Variants in GLIS3 observed in about 807,000 individuals in gnomAD.
The protein encoded by GLIS3 is zinc finger protein GLIS3.
GLIS3 carries 53 observed loss-of-function variants against 78.6 expected under a neutral mutation model. The observed-to-expected ratio is 0.67, with a 90% CI of 0.54 to 0.85. The LOEUF (loss-of-function observed/expected upper bound fraction) is 0.85, where lower values mean the gene tolerates loss of function less well. Ranked by LOEUF, GLIS3 falls within the 40% of genes least tolerant of loss-of-function variation. GLIS3 has a pLI of 0.00. For synonymous variants in GLIS3, 684 were observed against 509.9 expected, an observed-to-expected ratio of 1.34 and a Z score of -4.60; for missense variants, 1,703 against 1,231.1, an observed-to-expected ratio of 1.38 and a Z score of -5.74.
chr9:4,214,463 T>A (rs1820647909), intron 2 of GLIS3, among the ~76,000 whole-genome samples: 1 of 152,190 alleles, frequency 6.6e-6, no homozygotes, highest in Non-Finnish European at 1.5e-5. Context: ...TCACCCCACA[T>A]TGACTGAGAA....
the GLIS3 span, among the ~76,000 whole-genome samples, chr9:4,474,496 G>A: frequency 2.0e-5 from 3 of 152,008 alleles, no homozygotes; most frequent in African/African-American, 7.2e-5. Flanking sequence ...TGGATTAATT[G>A]GATATCCATA....
chr9:3,981,715 A>C (rs1819302546), intron 4 of GLIS3, among the ~76,000 whole-genome samples: 1 of 152,196 alleles, frequency 6.6e-6, no homozygotes, highest in African/African-American at 2.4e-5. Flanking sequence ...ACCTTTAAAA[A>C]CCAGTGTAGC....
chr9:4,284,330 T>C (rs1827800783), intron 2 of GLIS3, among the ~76,000 whole-genome samples: 1 of 152,116 alleles, frequency 6.6e-6, no homozygotes, highest in African/African-American at 2.4e-5. Flanking sequence ...TTAGTGTCAG[T>C]CAGGATTGCA....
intron 1 of GLIS3, chr9:4,298,252 C>G: frequency 3.1e-6 from 1 of 320,362 alleles, no homozygotes; most frequent in Non-Finnish European, 6.2e-6. Flanking sequence ...CGCCGGCCCC[C>G]CGGTCCCCGC....
chr9:4,302,793 G>A (rs952414161), upstream of GLIS3, among the ~76,000 whole-genome samples: 4 of 152,206 alleles, frequency 2.6e-5, no homozygotes, highest in African/African-American at 9.6e-5. Context: ...GCATCTTGTG[G>A]TCAGTGTTAG....
chr9:4,264,437 T>C (rs1034453666), intron 2 of GLIS3, among the ~76,000 whole-genome samples: 4 of 152,226 alleles, frequency 2.6e-5, no homozygotes, highest in African/African-American at 9.7e-5. Flanking sequence ...CGATGTCCTT[T>C]TTTAAAATGT....
the GLIS3 span, among the ~76,000 whole-genome samples, chr9:4,438,640 C>A: frequency 1.3e-5 from 2 of 152,190 alleles, no homozygotes; most frequent in Non-Finnish European, 2.9e-5. Context: ...CCCCACTTGT[C>A]AAGGGCAGGG....
chr9:4,183,755 A>T (rs756613219), intron 2 of GLIS3, among the ~76,000 whole-genome samples: 1 of 152,228 alleles, frequency 6.6e-6, no homozygotes, highest in South Asian at 2.1e-4. Context: ...ACAACTGATT[A>T]AAGAGTTCTT....
At position 4,141,223 on chromosome 9, in the gene GLIS3, G is replaced by C. The variant is rs550922892; in HGVS notation, c.389-15282C>G. Among the ~76,000 whole-genome samples, 8 of 152,352 alleles carry C rather than the reference G, an allele frequency of 5.3e-5. No individual in the cohort carries two copies. In the South Asian group the frequency reaches 1.4e-3, roughly 28 times the overall value. On this transcript the variant is annotated intron_variant, in intron 2 of 10. Transcript: ENST00000381971. ...CCTCTAGGAGGGAGACAGAAGGAGA[G>C]AGAGAGGTGGGATTGCCCAAAGTCT...
chr9:4,149,550 T>C lies in GLIS3; in HGVS notation c.389-23609A>G, dbSNP rs145904034. Among the ~76,000 whole-genome samples, 11 of 152,334 alleles carry C rather than the reference T, an allele frequency of 7.2e-5. No individual in the cohort carries two copies. The East Asian group carries it at 7.7e-4, about 11-fold the overall frequency. ...CCTCTTGGTTTCCATATATAAGCAA[T>C]AGTCAGGCATGACACCTTAATTTAT... On this transcript the variant is annotated intron_variant, in intron 2 of 10. Coordinates refer to ENST00000381971, the MANE Select transcript of GLIS3 (RefSeq NM_001042413.2).
At chr9:4,427,214 A>T in the GLIS3 span, among the ~76,000 whole-genome samples, 1 of 152,210 alleles carries the variant, frequency 6.6e-6, no homozygotes, top group African/African-American at 2.4e-5. Context: ...GGGGTTTGGA[A>T]AAACCATCCT....
At chr9:4,309,021 G>A (rs1353444779) in intron 3 of GLIS3, 2 of 152,210 alleles carry the variant, frequency 1.3e-5, no homozygotes, top group African/African-American at 4.8e-5. Context: ...CATTGTTTTG[G>A]AGACTGAGTT....
intron 4 of GLIS3, among the ~76,000 whole-genome samples, chr9:3,939,628 A>G (rs1218436252): frequency 6.6e-6 from 1 of 152,234 alleles, no homozygotes; most frequent in Non-Finnish European, 1.5e-5. Context: ...TATCCGTAAA[A>G]TAATCAAAAT....
At chr9:4,036,593 G>C (rs1365273616) in intron 4 of GLIS3, among the ~76,000 whole-genome samples, 1 of 152,132 alleles carries the variant, frequency 6.6e-6, no homozygotes, top group Non-Finnish European at 1.5e-5. Context: ...AAGAGTGCTA[G>C]AGGAAAAACA....
chr9:4,150,631 T>C (rs896378639), intron 2 of GLIS3, among the ~76,000 whole-genome samples: 1 of 152,222 alleles, frequency 6.6e-6, no homozygotes, highest in Non-Finnish European at 1.5e-5. Context: ...CCAGAATAGA[T>C]GATGAAACAA....
At chr9:3,888,153 G>A (rs1313131964) in intron 7 of GLIS3, among the ~76,000 whole-genome samples, 1 of 152,148 alleles carries the variant, frequency 6.6e-6, no homozygotes, top group African/African-American at 2.4e-5. Flanking sequence ...AGACGGGGTA[G>A]ACGTGGCCAA....
chr9:4,048,336 T>C (rs1312234924), intron 4 of GLIS3, among the ~76,000 whole-genome samples: 2 of 152,166 alleles, frequency 1.3e-5, no homozygotes, highest in African/African-American at 4.8e-5. Context: ...AGCTGTTAGA[T>C]GGTTCACACA....
intron 2 of GLIS3, among the ~76,000 whole-genome samples, chr9:4,154,572 GAGT>G: frequency 6.6e-6 from 1 of 151,290 alleles, no homozygotes; most frequent in African/African-American, 2.4e-5. Flanking sequence ...ATATCACAAA[GAGT>G]TAAAGACTTA....
chr9:4,334,634 G>A (rs1313358738), intron 2 of GLIS3, among the ~76,000 whole-genome samples: 1 of 152,192 alleles, frequency 6.6e-6, no homozygotes, highest in Non-Finnish European at 1.5e-5. Flanking sequence ...GGCCTAGTGA[G>A]CACTGGGCCT....
Sources: allele counts gnomAD v4.1 joint callset (sites outside exome capture counted in the v4.1 genomes callset), GRCh38; gene constraint gnomAD v4.1.1; transcripts MANE v1.5; gene names NCBI Gene and HGNC (gene_info 2026-07-23, HGNC 2026-07-21).